MMP26: variants seen among roughly 807,000 people sequenced by gnomAD.
MMP26 encodes the protein matrix metallopeptidase 26.
Under a neutral mutation model 31.0 loss-of-function variants are expected in MMP26, and 33 were observed. That is an observed-to-expected ratio of 1.06 (90% CI 0.81 to 1.42). The LOEUF is 1.42. MMP26 is among the 40% of genes most tolerant of loss of function. The pLI, the probability that MMP26 is intolerant of heterozygous loss-of-function variation, is 0.00. For synonymous variants in MMP26, 122 were observed against 114.9 expected (o/e 1.06, Z -0.40); for missense variants, 347 against 316.1 (o/e 1.10, Z -0.74).
At chr11:4,908,167 C>A (rs1422675443) in intron 2 of MMP26, 1 of 1,614,218 alleles carries the variant, frequency 6.2e-7, no homozygotes, top group Non-Finnish European at 8.5e-7. Context: ...TTGCCAAGCA[C>A]AAAAGCCCTC....
intron 2 of MMP26, chr11:4,924,017 G>A (rs1851229015): frequency 6.2e-7 from 1 of 1,614,150 alleles, no homozygotes; most frequent in Non-Finnish European, 8.5e-7. Flanking sequence ...TGAAGACAAG[G>A]TGTGGATGAA....
At chr11:4,966,430 T>C (rs570127786) in intron 2 of MMP26, among the ~76,000 whole-genome samples, 10 of 152,236 alleles carry the variant, frequency 6.6e-5, no homozygotes, top group African/African-American at 2.4e-4. Context: ...GAGGATAAGG[T>C]GCCTGATTCG....
chr11:4,901,149 CTTTTTT>C (rs55678976), intron 2 of MMP26, among the ~76,000 whole-genome samples: 13 of 84,518 alleles, frequency 1.5e-4, no homozygotes, highest in East Asian at 3.8e-4. Context: ...CCTCTTTGTG[CTTTTTT>C]TTTTTTTTTT....
chr11:4,803,784 A>G lies in MMP26; in HGVS notation c.-145+36443A>G, dbSNP rs371500134. 1.1e-5 allele frequency: 18 copies of G among 1,613,194 alleles called. No individual in the cohort carries two copies. In the African/African-American group the frequency reaches 2.1e-4, roughly 19 times the overall value. On this transcript the variant is annotated intron_variant, in intron 2 of 7. Coordinates refer to ENST00000380390, the MANE Select transcript of MMP26 (RefSeq NM_021801.5). ...AGAAGGCCACAAAGAGCCCATTCCC[A>G]CGACTTATGCTTGTATCAGCACACA...
chr11:4,934,258 T>C (rs1410261687), intron 2 of MMP26, among the ~76,000 whole-genome samples: 1 of 150,758 alleles, frequency 6.6e-6, no homozygotes, highest in East Asian at 1.9e-4. Flanking sequence ...TCTTTAATGA[T>C]TGCCATTCTA....
intron 2 of MMP26, chr11:4,876,440 TTTAAG>T (rs1435757584): frequency 6.6e-6 from 1 of 152,186 alleles, no homozygotes; most frequent in African/African-American, 2.4e-5. Context: ...AAGAATAATA[TTTAAG>T]TTACTTCCTC....
At chr11:4,850,715 T>C (rs952049268) in intron 2 of MMP26, among the ~76,000 whole-genome samples, 2 of 151,826 alleles carry the variant, frequency 1.3e-5, no homozygotes, top group Admixed American at 1.3e-4. Context: ...TAAAATATTA[T>C]GTTAAAATTT....
chr11:4,736,733 G>C (rs907977318), intron 1 of MMP26: 2 of 152,248 alleles, frequency 1.3e-5, no homozygotes, highest in Non-Finnish European at 2.9e-5. Context: ...GCAATGAAGC[G>C]ATCAAAGGCC....
chr11:4,760,103 G>T (rs1446720509), intron 1 of MMP26, among the ~76,000 whole-genome samples: 1 of 152,188 alleles, frequency 6.6e-6, no homozygotes, highest in Non-Finnish European at 1.5e-5. Context: ...TATGAAGTCA[G>T]ATTTTCTAGA....
chr11:4,767,569 C>G (rs1848648384), intron 2 of MMP26, among the ~76,000 whole-genome samples: 1 of 152,140 alleles, frequency 6.6e-6, no homozygotes, highest in Non-Finnish European at 1.5e-5. Flanking sequence ...AGAAAAAGTT[C>G]TCAATGCTAT....
intron 2 of MMP26, chr11:4,908,822 G>T: frequency 6.2e-6 from 1 of 162,134 alleles, no homozygotes; most frequent in Non-Finnish European, 1.4e-5. Flanking sequence ...AATTCAGGAG[G>T]TGTTGGAATG....
chr11:4,769,099 T>C (rs1848671507), intron 2 of MMP26: 1 of 1,594,042 alleles, frequency 6.3e-7, no homozygotes, highest in South Asian at 1.1e-5. Context: ...CTGAATGGAC[T>C]ACTCTGGGGG....
chr11:4,907,562 A>G, intron 2 of MMP26: 1 of 1,613,974 alleles, frequency 6.2e-7, no homozygotes, highest in Non-Finnish European at 8.5e-7. Flanking sequence ...TTTCCTTGCC[A>G]TGTTGGCTGT....
At chr11:4,770,309 C>T (rs1010893629) in intron 2 of MMP26, among the ~76,000 whole-genome samples, 1 of 152,116 alleles carries the variant, frequency 6.6e-6, no homozygotes, top group African/African-American at 2.4e-5. Context: ...GAATAATAGC[C>T]ACTTAAAAAT....
chr11:4,862,874 G>T (rs1850182513), intron 2 of MMP26, among the ~76,000 whole-genome samples: 1 of 152,142 alleles, frequency 6.6e-6, no homozygotes, highest in African/African-American at 2.4e-5. Flanking sequence ...TCCCAGAAAT[G>T]ACAATGGTCA....
At chr11:4,812,932 C>T (rs1195870192) in intron 2 of MMP26, among the ~76,000 whole-genome samples, 2 of 151,082 alleles carry the variant, frequency 1.3e-5, no homozygotes, top group Non-Finnish European at 1.5e-5. Context: ...AATTTGGCAT[C>T]CTGAGATTTT....
intron 2 of MMP26, among the ~76,000 whole-genome samples, chr11:4,978,813 T>C (rs1455954): frequency 0.53 from 80,052 of 151,776 alleles, 21,992 homozygotes; most frequent in South Asian, 0.67. Context: ...CTTCTCCTAT[T>C]TTCCCAACGC....
At chr11:4,879,732 A>AT (rs1802192091) in intron 2 of MMP26, among the ~76,000 whole-genome samples, 1 of 152,178 alleles carries the variant, frequency 6.6e-6, no homozygotes, top group South Asian at 2.1e-4. Context: ...CGTAGAAGGT[A>AT]GATGGCTCCA....
At chr11:4,916,949 A>G (rs985780782) in intron 2 of MMP26, among the ~76,000 whole-genome samples, 1 of 152,184 alleles carries the variant, frequency 6.6e-6, no homozygotes, top group Non-Finnish European at 1.5e-5. Context: ...TCTACAGAGG[A>G]AGAAATGAAG....
Sources: gnomAD v4.1 joint callset for allele counts (sites outside exome capture counted in the v4.1 genomes callset) on GRCh38, gnomAD v4.1.1 for gene constraint, MANE v1.5 for transcripts, NCBI Gene and HGNC (gene_info 2026-07-23, HGNC 2026-07-21) for gene names.